The following TP53AIP1 variants were observed in gnomAD, a reference collection of about 807,000 sequenced individuals.
The protein encoded by TP53AIP1 is tumor protein p53 regulated apoptosis inducing protein 1, also known as p53-regulated apoptosis-inducing protein 1.
In TP53AIP1, 14 loss-of-function variants were observed where a neutral mutation model predicts 9.5. The observed-to-expected ratio is 1.47, with a 90% CI of 0.97 to 2.30. The LOEUF is 2.30. TP53AIP1 is among the 30% of genes most tolerant of loss of function. The probability of loss-of-function intolerance (pLI) is 0.00; values close to 1 mark genes in which losing one functional copy is unlikely to be tolerated. For synonymous variants in TP53AIP1, 73 were observed against 61.2 expected (o/e 1.19, Z -0.90); for missense variants, 153 against 146.7 (o/e 1.04, Z -0.22).
At chr11:128,935,848 G>T in intron 3 of TP53AIP1, 136 bp from the exon 4 acceptor site, 1 of 1,357,898 alleles carries the variant, frequency 7.4e-7, no homozygotes, top group Non-Finnish European at 9.4e-7. Context: ...TCCATTGTAA[G>T]GCACATCATT....
Position 128,939,031 on chromosome 11 carries a change from C to T in TP53AIP1, c.-76-1137G>A, listed in dbSNP as rs112513943. Among the ~76,000 whole-genome samples the T allele has an allele frequency of 0.039, 5,869 of 152,224 alleles. 157 individuals are homozygous for T. Among genetic ancestry groups the T allele is most frequent in the African/African-American group, 0.07 (2,909 of 41,526 alleles). On this transcript the variant is annotated intron_variant, in intron 1 of 3. Coordinates refer to ENST00000531399, the MANE Select transcript of TP53AIP1 (RefSeq NM_022112.3). The surrounding 1 kb of genome is among the most constrained non-coding windows in gnomAD (Gnocchi z 4.1). ...TGCGGTGACCACGCTAAGTACTGTG[C>T]GTGTACCATTTCTCGGAATACTTCC... is the stretch of plus-strand genomic sequence containing the variant.
In TP53AIP1 at chr11:128,935,630, G is replaced by C. The variant is rs1240250265; in HGVS notation, c.336C>G (p.Leu112=). The C allele has an allele frequency of 1.3e-6, 2 of 1,584,898 alleles. No individual in the cohort carries two copies. Among genetic ancestry groups the C allele is most frequent in the East Asian group, 2.2e-5 (1 of 44,530 alleles). Residue 112 remains leucine, a synonymous_variant, in exon 4 of 4, where the codon CTC becomes CTG. Coordinates refer to ENST00000531399, the MANE Select transcript of TP53AIP1 (RefSeq NM_022112.3). Reference sequence around the variant, plus strand: ...ACGGTGCTTTTTTCTGATCATAGCTGAGCTCAAATGCTGACCCCAGTGGCC... The same window carrying C: ...ACGGTGCTTTTTTCTGATCATAGCTCAGCTCAAATGCTGACCCCAGTGGCC... The part of the protein sequence containing the change: ...RDRPLGSAFE[L]SYDQKKAPLR...
rs771188612 is a variant in TP53AIP1, at chr11:128,937,701, C to T, written c.118G>A (p.Ala40Thr). Residue 40 changes from alanine to threonine, a missense_variant, in exon 2 of 4, where the codon GCT (alanine) becomes ACT (threonine). Ala to Thr is a moderately conservative substitution (Grantham distance 58). Coordinates refer to ENST00000531399, the MANE Select transcript of TP53AIP1 (RefSeq NM_022112.3). The surrounding 1 kb of genome is among the most constrained non-coding windows in gnomAD (Gnocchi z 4.8). ...NLSVMPPNGR[A>T]QTHTPGWVSD... ...ACCCAGCCAGGTGTGTGTGTCTGAG[C>T]CCTGCCATTCGGAGGCATCACCGAG... 4 of 1,614,142 alleles carry T rather than the reference C, an allele frequency of 2.5e-6. No homozygotes were observed. The highest frequency in any genetic ancestry group is 4.5e-5 in the East Asian group (2 of 44,880).
At chr11:128,936,777 AC>A (rs1944832892) in intron 2 of TP53AIP1, 128 bp from the exon 3 acceptor site, 1 of 1,437,968 alleles carries the variant, frequency 7.0e-7, no homozygotes, top group African/African-American at 1.4e-5. Context: ...CAAAGTGATG[AC>A]GCTGCCACTC....
chr11:128,936,858 A>G, intron 2 of TP53AIP1: 1 of 1,382,690 alleles, frequency 7.2e-7, no homozygotes, highest in Non-Finnish European at 9.3e-7. Context: ...TGCAAAGGAC[A>G]TTAGAGACAA....
chr11:128,941,161 G>C (rs1156430151), intron 1 of TP53AIP1, among the ~76,000 whole-genome samples: 2 of 152,172 alleles, frequency 1.3e-5, no homozygotes, highest in Admixed American at 1.3e-4. Context: ...TTGCTCCAGG[G>C]AAGAGGAAGA....
chr11:128,937,258 G>A lies in TP53AIP1; in HGVS notation c.141+420C>T. ...CCCATCTGGACAAAAGCAGGATCCG[G>A]GGTGGACGCAGAAGAGCAGGCCCGG... is the stretch of plus-strand genomic sequence containing the variant. On this transcript the variant is annotated intron_variant, in intron 2 of 3. Transcript: ENST00000531399. The surrounding 1 kb of genome is among the most constrained non-coding windows in gnomAD (Gnocchi z 4.8). 1 of 1,292,766 alleles carries A rather than the reference G, an allele frequency of 7.7e-7. No homozygotes were observed. The allele number at this position is 1,292,766 out of a possible 1,614,324, so 80.1% of individuals were successfully genotyped here. A position where few individuals can be genotyped will look rare whatever the true frequency, so the allele number is the denominator to read the frequency against.
In TP53AIP1 at chr11:128,935,718, T is replaced by C. The variant is rs138757594; in HGVS notation, c.254-6A>G. 1.1e-4 allele frequency: 176 copies of C among 1,559,206 alleles called. No individual in the cohort carries two copies. The African/African-American group carries it at 2.1e-3, about 18-fold the overall frequency. On this transcript the variant is annotated splice_polypyrimidine_tract_variant and splice_region_variant and intron_variant, in intron 3 of 3. Transcript: ENST00000531399. ...GGAGAGACCTAGACCAAGGCCTCAG[T>C]AGGGAGGGAGAGAATTTACTCTTTG...
Position 128,935,579 on chromosome 11 carries a change from C to T in TP53AIP1, c.*12G>A, listed in dbSNP as rs747298728. On this transcript the variant is annotated 3_prime_UTR_variant, in exon 4 of 4. Transcript: ENST00000531399. ...TGTCGCCCAGGCTGGAGTGCAGTGG[C>T]GTGATCTCGGCTCACTGCAACCTCA... 2.1e-5 allele frequency: 32 copies of T among 1,551,862 alleles called. No homozygotes were observed. Among genetic ancestry groups the T allele is most frequent in the African/African-American group, 5.4e-5 (4 of 73,748 alleles).
chr11:128,938,187 G>A (rs541601465), intron 1 of TP53AIP1, among the ~76,000 whole-genome samples: 1 of 152,198 alleles, frequency 6.6e-6, no homozygotes, highest in Non-Finnish European at 1.5e-5. Flanking sequence ...CTAGACTTTC[G>A]GGGAAGCAAC....
At chr11:128,940,319 G>A (rs1944916674) in intron 1 of TP53AIP1, among the ~76,000 whole-genome samples, 2 of 152,370 alleles carry the variant, frequency 1.3e-5, no homozygotes, top group Middle Eastern at 3.4e-3. Context: ...AGGCAGACAT[G>A]AGCACACTTG....
In TP53AIP1 at chr11:128,940,558, C is replaced by T. The variant is rs77832975; in HGVS notation, c.-77+2236G>A. On this transcript the variant is annotated intron_variant, in intron 1 of 3. Coordinates refer to ENST00000531399, the MANE Select transcript of TP53AIP1 (RefSeq NM_022112.3). ...GGCAGCCTTTGTCCCTTCTGGAGGACGCAGCAGCAAGGCACCATCATGAAA... is the reference window on the plus strand; with the variant it reads ...GGCAGCCTTTGTCCCTTCTGGAGGATGCAGCAGCAAGGCACCATCATGAAA... 3.3e-4 allele frequency among the ~76,000 whole-genome samples: 51 copies of T among 152,298 alleles called. 1 individual carries two copies. Among genetic ancestry groups the T allele is most frequent in the Middle Eastern group, 6.8e-3 (2 of 294 alleles).
At chr11:128,938,022 A>C in intron 1 of TP53AIP1, 128 bp from the exon 2 acceptor site, 1 of 609,760 alleles carries the variant, frequency 1.6e-6, no homozygotes. Flanking sequence ...GCACCCAGAG[A>C]CCCTAGGGCT....
Position 128,935,662 on chromosome 11 carries a change from T to C in TP53AIP1, c.304A>G (p.Arg102Gly), listed in dbSNP as rs56235610. The change falls in exon 4 of 4, where the codon AGA (arginine) becomes GGA (glycine). Residue 102 changes from arginine to glycine, a missense_variant. Coordinates refer to ENST00000531399, the MANE Select transcript of TP53AIP1 (RefSeq NM_022112.3). ...RPFLPGATVL[R>G]DRPLGSAFEL... is the part of the protein sequence containing the mutation. ...AATGCTGACCCCAGTGGCCTGTCTC[T>C]AAGCACTGTGGCTCCAGGAAGGAAA... 335,649 of 1,585,732 alleles carry C rather than the reference T, an allele frequency of 0.21. 38,371 individuals are homozygous for C. Among genetic ancestry groups the C allele is most frequent in the African/African-American group, 0.38 (28,109 of 74,620 alleles).
In TP53AIP1 at chr11:128,937,664, C is replaced by A; in HGVS notation, c.141+14G>T. The A allele has an allele frequency of 6.2e-7, 1 of 1,614,214 alleles. No homozygotes were observed. Among genetic ancestry groups the A allele is most frequent in the South Asian group, 1.1e-5 (1 of 91,084 alleles). On this transcript the variant is annotated intron_variant, in intron 2 of 3. Transcript: ENST00000531399. This position sits in a 1 kb window ranked among gnomAD's most constrained non-coding sequence, Gnocchi z 4.8. ...AGGCAAAAGACCGTCTCGGTTTTCACTGCAGGGACTTACCCAGCCAGGTGT... is the reference window on the plus strand; with the variant it reads ...AGGCAAAAGACCGTCTCGGTTTTCAATGCAGGGACTTACCCAGCCAGGTGT...
At position 128,936,652 on chromosome 11, in the gene TP53AIP1, G is replaced by C; in HGVS notation, c.142-3C>G. ...CCCAAAACTAAGGGATCTGAAACCT[G>C]AGAGGAAATGGAAGCAGACTGTGAG... On this transcript the variant is annotated splice_polypyrimidine_tract_variant and splice_region_variant and intron_variant, in intron 2 of 3. Transcript: ENST00000531399. The C allele has an allele frequency of 1.3e-6, 2 of 1,576,560 alleles. No individual in the cohort carries two copies. The highest frequency in any genetic ancestry group is 1.7e-6 in the Non-Finnish European group (2 of 1,169,268).
intron 1 of TP53AIP1, among the ~76,000 whole-genome samples, chr11:128,938,159 A>T (rs1944870423): frequency 6.6e-6 from 1 of 152,166 alleles, no homozygotes; most frequent in South Asian, 2.1e-4. Flanking sequence ...CATTAATTAG[A>T]TATTAACTAG....
chr11:128,936,459 G>A (rs1944825572), intron 3 of TP53AIP1, 79 bp downstream of exon 3: 2 of 1,456,352 alleles, frequency 1.4e-6, no homozygotes, highest in African/African-American at 2.9e-5. Flanking sequence ...GTCGTTACCT[G>A]GATTTATCGA....
rs374140553 is a variant in TP53AIP1, at chr11:128,935,602, T to A, written c.364A>T (p.Arg122Trp). 1.3e-6 allele frequency: 2 copies of A among 1,572,936 alleles called. No homozygotes were observed. The highest frequency in any genetic ancestry group is 2.3e-5 in the South Asian group (2 of 86,730). ...LSYDQKKAPLRLQ is the reference protein window; with the variant it reads ...LSYDQKKAPLWLQ Reference sequence around the variant, plus strand: ...GGCGTGATCTCGGCTCACTGCAACCTCAACGGTGCTTTTTTCTGATCATAG... The same window carrying A: ...GGCGTGATCTCGGCTCACTGCAACCACAACGGTGCTTTTTTCTGATCATAG... Residue 122 changes from arginine (R) to tryptophan (W), a missense_variant, in exon 4 of 4, where the codon AGG (arginine) becomes TGG (tryptophan). Coordinates refer to ENST00000531399, the MANE Select transcript of TP53AIP1 (RefSeq NM_022112.3).
Sources: allele counts gnomAD v4.1 joint callset (sites outside exome capture counted in the v4.1 genomes callset), GRCh38; gene constraint gnomAD v4.1.1; non-coding constraint Gnocchi (gnomAD v3.1); transcripts MANE v1.5; gene names NCBI Gene and HGNC (gene_info 2026-07-23, HGNC 2026-07-21).